NRCAM: variants seen among roughly 807,000 people sequenced by gnomAD.
NRCAM encodes the protein neuronal cell adhesion molecule.
A neutral mutation model predicts 156.5 loss-of-function variants in NRCAM; 83 were observed. That is an observed-to-expected ratio of 0.53 (90% CI 0.44 to 0.64). The LOEUF is 0.64. Among genes scored for constraint, NRCAM ranks in the 30% least tolerant of loss-of-function variants. The pLI, the probability that NRCAM is intolerant of heterozygous loss-of-function variation, is 0.00. For synonymous variants in NRCAM, 538 were observed against 563.9 expected (o/e 0.95, Z 0.65); for missense variants, 1,417 against 1,597.3 (o/e 0.89, Z 1.92).
At chr7:108,164,322 T>C (rs776028126) in intron 30 of NRCAM, among the ~76,000 whole-genome samples, 22 of 151,924 alleles carry the variant, frequency 1.4e-4, no homozygotes, top group African/African-American at 2.7e-4. Flanking sequence ...GTTTGTGCCA[T>C]AGGAAAAAAA....
intron 1 of NRCAM, among the ~76,000 whole-genome samples, chr7:108,412,153 T>C (rs929750628): frequency 2.0e-5 from 3 of 152,170 alleles, no homozygotes; most frequent in Admixed American, 6.5e-5. Flanking sequence ...TACCATCAAT[T>C]TTCATTATTC....
intron 7 of NRCAM, among the ~76,000 whole-genome samples, chr7:108,231,724 C>G (rs1329166576): frequency 2.6e-5 from 4 of 152,072 alleles, no homozygotes; most frequent in Non-Finnish European, 5.9e-5. Flanking sequence ...GATTCATGAA[C>G]AGTTTTTAAA....
chr7:108,224,951 A>C (rs2093183483), intron 10 of NRCAM, among the ~76,000 whole-genome samples: 1 of 152,160 alleles, frequency 6.6e-6, no homozygotes, highest in Non-Finnish European at 1.5e-5. Context: ...TGAAAAATTA[A>C]TACAGCAGAA....
chr7:108,349,217 A>G (rs950435715), intron 2 of NRCAM, among the ~76,000 whole-genome samples: 1 of 150,620 alleles, frequency 6.6e-6, no homozygotes, highest in African/African-American at 2.4e-5. Context: ...TTTTGACTTC[A>G]CTTATTTAAG....
At chr7:108,316,805 A>G (rs1287053748) in intron 2 of NRCAM, among the ~76,000 whole-genome samples, 1 of 150,422 alleles carries the variant, frequency 6.6e-6, no homozygotes, top group Non-Finnish European at 1.5e-5. Context: ...AAAAAAAAAG[A>G]AACCTAGAAG....
At chr7:108,324,632 C>T (rs1348157121) in intron 2 of NRCAM, among the ~76,000 whole-genome samples, 1 of 152,148 alleles carries the variant, frequency 6.6e-6, no homozygotes, top group Non-Finnish European at 1.5e-5. Context: ...GCCTCCCTGT[C>T]CAGTCGGGGG....
chr7:108,396,097 G>T (rs1230079633), intron 2 of NRCAM, among the ~76,000 whole-genome samples: 1 of 151,978 alleles, frequency 6.6e-6, no homozygotes, highest in African/African-American at 2.4e-5. Flanking sequence ...ACAAACCAAG[G>T]GTCTCACGTT....
intron 1 of NRCAM, among the ~76,000 whole-genome samples, chr7:108,406,365 A>G (rs1407231064): frequency 1.3e-5 from 2 of 152,240 alleles, no homozygotes. Context: ...AGTTGGCAAG[A>G]GTAAACAGAG....
intron 8 of NRCAM, among the ~76,000 whole-genome samples, chr7:108,230,222 C>T (rs2094135368): frequency 6.6e-6 from 1 of 151,938 alleles, no homozygotes; most frequent in Non-Finnish European, 1.5e-5. Context: ...TCCTCTCTCT[C>T]ATGCTCCCAC....
chr7:108,360,276 C>T (rs1223998539), intron 2 of NRCAM, among the ~76,000 whole-genome samples: 2 of 152,106 alleles, frequency 1.3e-5, no homozygotes, highest in Non-Finnish European at 2.9e-5. Flanking sequence ...AACTTACCCT[C>T]CCCAGTTAAA....
chr7:108,150,316 C>A (rs1240855612), intron 32 of NRCAM, among the ~76,000 whole-genome samples, 169 bp from the exon 33 acceptor site: 1 of 152,154 alleles, frequency 6.6e-6, no homozygotes, highest in East Asian at 1.9e-4. Flanking sequence ...GAATGGAAAT[C>A]AGGAGCAGAA....
intron 32 of NRCAM, among the ~76,000 whole-genome samples, chr7:108,154,702 C>A (rs532602231): frequency 6.6e-6 from 1 of 152,232 alleles, no homozygotes; most frequent in East Asian, 1.9e-4. Context: ...TCATATACTT[C>A]AATAATTAGA....
At chr7:108,392,410 T>G (rs1284292034) in intron 2 of NRCAM, among the ~76,000 whole-genome samples, 2 of 152,196 alleles carry the variant, frequency 1.3e-5, no homozygotes, top group Non-Finnish European at 2.9e-5. Context: ...CGTGCCATGG[T>G]TTTCAGCTCC....
intron 30 of NRCAM, among the ~76,000 whole-genome samples, chr7:108,164,162 T>C (rs1223233424): frequency 4.1e-5 from 4 of 96,798 alleles, no homozygotes; most frequent in African/African-American, 1.0e-4. Context: ...TGAGAGGTCA[T>C]ACCGGGTGGG....
intron 2 of NRCAM, among the ~76,000 whole-genome samples, chr7:108,373,890 C>T (rs78544591): frequency 2.1e-3 from 317 of 152,228 alleles, no homozygotes; most frequent in African/African-American, 7.3e-3. Context: ...GGGGAATACA[C>T]GCTAAGCTCA....
intron 3 of NRCAM, among the ~76,000 whole-genome samples, chr7:108,263,934 TTAC>T (rs776749107): frequency 3.3e-5 from 5 of 152,220 alleles, no homozygotes; most frequent in Non-Finnish European, 4.4e-5. Flanking sequence ...TACCATAATA[TTAC>T]TACTATGTTT....
chr7:108,191,271 G>A lies in NRCAM; in HGVS notation c.1916C>T (p.Thr639Ile). The change falls in exon 19 of 33, where the codon ACT (threonine) becomes ATT (isoleucine). Residue 639 changes from threonine (T) to isoleucine (I), a missense_variant. Around this residue, in one of 2 missense-constraint regions of NRCAM, gnomAD observed 1,238 missense variants for 1,336.4 expected, o/e 0.93. Coordinates refer to ENST00000379028, the MANE Select transcript of NRCAM (RefSeq NM_001037132.4). ...AVLSVVAPTP[T>I]PAPVYDVPNP... ...TAGTTTACCGTAAACGGGAGCTGGA[G>A]TTGGAGTAGGAGCTAGAAAGGACAT... 6.2e-7 allele frequency: 1 copy of A among 1,605,010 alleles called. No homozygotes were observed. The highest frequency in any genetic ancestry group is 1.1e-5 in the South Asian group (1 of 88,992).
chr7:108,354,938 T>G (rs1238297912), intron 2 of NRCAM, among the ~76,000 whole-genome samples: 3 of 151,594 alleles, frequency 2.0e-5, no homozygotes, highest in Admixed American at 6.6e-5. Flanking sequence ...ACTAACAAAC[T>G]GTTATAAATG....
At chr7:108,219,920 T>A (rs1403043541) in intron 11 of NRCAM, among the ~76,000 whole-genome samples, 2 of 152,162 alleles carry the variant, frequency 1.3e-5, no homozygotes, top group Non-Finnish European at 2.9e-5. Flanking sequence ...TGTCACTGTT[T>A]GCTGATGATA....
Sources: gnomAD v4.1 joint callset for allele counts (sites outside exome capture counted in the v4.1 genomes callset) on GRCh38, gnomAD v4.1.1 for gene constraint, gnomAD v4.1.1 regional missense constraint, MANE v1.5 for transcripts, NCBI Gene and HGNC (gene_info 2026-07-23, HGNC 2026-07-21) for gene names.